SPOPL: variants seen among roughly 807,000 people sequenced by gnomAD.
The protein encoded by SPOPL is speckle-type POZ protein-like.
A neutral mutation model predicts 53.8 loss-of-function variants in SPOPL; 23 were observed. The observed-to-expected ratio is 0.43, with a 90% CI of 0.31 to 0.61. The LOEUF (loss-of-function observed/expected upper bound fraction) is 0.61, where lower values mean the gene tolerates loss of function less well. SPOPL is among the 20% of genes least tolerant of loss of function. SPOPL has a pLI of 0.12. For synonymous variants in SPOPL, 164 were observed against 149.7 expected, an observed-to-expected ratio of 1.10 and a Z score of -0.70; for missense variants, 442 against 466.9, an observed-to-expected ratio of 0.95 and a Z score of 0.49.
chr2:138,509,973 A>C (rs548452035), intron 1 of SPOPL, among the ~76,000 whole-genome samples: 1 of 152,208 alleles, frequency 6.6e-6, no homozygotes, highest in African/African-American at 2.4e-5. Context: ...CCATTTCCAA[A>C]GTGTGTAGCC....
intron 8 of SPOPL, among the ~76,000 whole-genome samples, chr2:138,563,598 T>TC: frequency 6.6e-6 from 1 of 152,222 alleles, no homozygotes; most frequent in East Asian, 1.9e-4. Context: ...TACTAAGTGT[T>TC]ATCAAGGATG....
chr2:138,550,737 T>C (rs959972745), intron 3 of SPOPL, 133 bp downstream of exon 3: 20 of 1,419,504 alleles, frequency 1.4e-5, no homozygotes, highest in Admixed American at 7.0e-5. Flanking sequence ...ATGTTCCTAA[T>C]AGTGTGGGGA....
At chr2:138,563,673 A>C (rs1329396229) in intron 8 of SPOPL, among the ~76,000 whole-genome samples, 1 of 152,202 alleles carries the variant, frequency 6.6e-6, no homozygotes, top group Non-Finnish European at 1.5e-5. Context: ...CTGTTGATGG[A>C]AATGTAAAAT....
chr2:138,521,556 GT>G (rs199626268), intron 1 of SPOPL, among the ~76,000 whole-genome samples: 1 of 151,644 alleles, frequency 6.6e-6, no homozygotes. Flanking sequence ...ATTTTTAGTT[GT>G]TTTTTTTGTG....
chr2:138,556,877 C>G (rs1233744025), intron 5 of SPOPL, among the ~76,000 whole-genome samples: 1 of 152,118 alleles, frequency 6.6e-6, no homozygotes, highest in Non-Finnish European at 1.5e-5. Flanking sequence ...GGAATCTGGG[C>G]CAGGCACGGT....
At chr2:138,559,246 T>C in intron 6 of SPOPL, 36 bp from the exon 7 acceptor site, 2 of 1,610,818 alleles carry the variant, frequency 1.2e-6, no homozygotes, top group Non-Finnish European at 1.7e-6. Flanking sequence ...AAAAATGCAT[T>C]TATGCATAAA....
At chr2:138,509,768 A>G (rs982536794) in intron 1 of SPOPL, among the ~76,000 whole-genome samples, 1 of 152,130 alleles carries the variant, frequency 6.6e-6, no homozygotes, top group Non-Finnish European at 1.5e-5. Flanking sequence ...TTGACCCATC[A>G]TTATCATCCA....
At chr2:138,554,497 T>A in intron 5 of SPOPL, 1 of 1,290,220 alleles carries the variant, frequency 7.8e-7, no homozygotes, top group South Asian at 1.3e-5. Flanking sequence ...CCTAAAGAAC[T>A]GCCTCCTCCC....
chr2:138,552,748 A>AC, intron 5 of SPOPL, 67 bp downstream of exon 5: 1 of 1,493,064 alleles, frequency 6.7e-7, no homozygotes, highest in South Asian at 1.3e-5. Flanking sequence ...TATAAACTGG[A>AC]TTAATAACAC....
chr2:138,566,833 AT>A (rs1396448749), intron 10 of SPOPL, among the ~76,000 whole-genome samples: 5 of 152,228 alleles, frequency 3.3e-5, no homozygotes, highest in African/African-American at 7.2e-5. Context: ...ATGGTAAGTA[AT>A]ACAATAGAAG....
chr2:138,533,098 T>C (rs1558868982), intron 1 of SPOPL, among the ~76,000 whole-genome samples: 1 of 152,102 alleles, frequency 6.6e-6, no homozygotes. Context: ...GTGCTAAGGG[T>C]GTGTATATGT....
At chr2:138,518,131 T>G (rs1684484934) in intron 1 of SPOPL, among the ~76,000 whole-genome samples, 1 of 149,476 alleles carries the variant, frequency 6.7e-6, no homozygotes, top group Non-Finnish European at 1.5e-5. Flanking sequence ...GGCAAATGAC[T>G]CTATTATGAT....
intron 8 of SPOPL, among the ~76,000 whole-genome samples, chr2:138,562,493 A>G (rs984697622): frequency 1.3e-5 from 2 of 152,148 alleles, no homozygotes; most frequent in Non-Finnish European, 2.9e-5. Flanking sequence ...CATGTATACA[A>G]AGTAAGGCAG....
At chr2:138,536,544 T>G (rs928160161) in intron 1 of SPOPL, among the ~76,000 whole-genome samples, 1 of 152,242 alleles carries the variant, frequency 6.6e-6, no homozygotes, top group Admixed American at 6.5e-5. Context: ...ATTATGTTGT[T>G]CTGCAGACTC....
rs146687591 is a variant in SPOPL, at chr2:138,570,212, A to T, written c.*1132A>T. The T allele has an allele frequency of 6.6e-6, 1 of 152,250 alleles. No homozygotes were observed. Among genetic ancestry groups the T allele is most frequent in the South Asian group, 2.1e-4 (1 of 4,834 alleles). 9.4% of individuals were successfully genotyped at this position (152,250 alleles called of 1,614,324 possible). ...ACTCTCCTTCAAACAATTAACTGATACTTGCCTTTGGGAGATGCATACAAA... is the reference window on the plus strand; with the variant it reads ...ACTCTCCTTCAAACAATTAACTGATTCTTGCCTTTGGGAGATGCATACAAA... On this transcript the variant is annotated 3_prime_UTR_variant, in exon 11 of 11. Coordinates refer to ENST00000280098, the MANE Select transcript of SPOPL (RefSeq NM_001001664.3).
At chr2:138,520,654 C>T (rs1684536339) in intron 1 of SPOPL, among the ~76,000 whole-genome samples, 1 of 151,922 alleles carries the variant, frequency 6.6e-6, no homozygotes, top group African/African-American at 2.4e-5. Flanking sequence ...GTAGGTTCCC[C>T]CAAAATACTC....
intron 1 of SPOPL, among the ~76,000 whole-genome samples, chr2:138,548,499 A>G (rs1464476027): frequency 6.6e-6 from 1 of 152,010 alleles, no homozygotes; most frequent in Non-Finnish European, 1.5e-5. Flanking sequence ...ATATTCCCAC[A>G]AGAAAAGTAT....
At chr2:138,557,170 A>AC (rs976848043) in intron 5 of SPOPL, among the ~76,000 whole-genome samples, 1 of 152,148 alleles carries the variant, frequency 6.6e-6, no homozygotes, top group Admixed American at 6.5e-5. Flanking sequence ...GAAAAAAAAA[A>AC]AGAATCTGGA....
chr2:138,565,422 T>C (rs898555137), intron 10 of SPOPL, among the ~76,000 whole-genome samples: 8 of 152,222 alleles, frequency 5.3e-5, no homozygotes. Context: ...AGTAATATGC[T>C]ATATTAGGCT....
Sources: allele counts gnomAD v4.1 joint callset (sites outside exome capture counted in the v4.1 genomes callset), GRCh38; gene constraint gnomAD v4.1.1; transcripts MANE v1.5; gene names NCBI Gene and HGNC (gene_info 2026-07-23, HGNC 2026-07-21).